EHMT2: variants seen among roughly 807,000 people sequenced by gnomAD.
EHMT2 encodes euchromatic histone lysine methyltransferase 2.
In EHMT2, 59 loss-of-function variants were observed where a neutral mutation model predicts 143.3. That is an observed-to-expected ratio of 0.41 (90% CI 0.33 to 0.51). The LOEUF is 0.51. Among genes scored for constraint, EHMT2 ranks in the 20% least tolerant of loss-of-function variants. EHMT2 has a pLI of 0.18. For missense variants in EHMT2, 1,174 were observed against 1,645.9 expected (o/e 0.71, Z 4.96); for synonymous variants, 604 against 651.5 (o/e 0.93, Z 1.11).
At chr6:31,894,308 C>T (rs909003743) in intron 4 of EHMT2, among the ~76,000 whole-genome samples, 8 of 152,210 alleles carry the variant, frequency 5.3e-5, no homozygotes, top group African/African-American at 1.7e-4. Context: ...CCACCATGCC[C>T]GGCTAATTTT....
At chr6:31,893,359 T>C in intron 4 of EHMT2, 1 of 449,522 alleles carries the variant, frequency 2.2e-6, no homozygotes, top group Non-Finnish European at 4.5e-6. Context: ...CTCATTCTGT[T>C]ACCCAGGATG....
At chr6:31,897,577 G>T in intron 1 of EHMT2, 59 bp downstream of exon 1, 1 of 1,115,824 alleles carries the variant, frequency 9.0e-7, no homozygotes, top group Non-Finnish European at 1.1e-6. Flanking sequence ...GCACGGGCGC[G>T]CGCTTCCCCC....
chr6:31,894,897 C>T (rs569077386), intron 4 of EHMT2, among the ~76,000 whole-genome samples: 20 of 152,138 alleles, frequency 1.3e-4, no homozygotes, highest in Non-Finnish European at 2.4e-4. Flanking sequence ...AAGTGATTGC[C>T]GGCCTTGGCC....
intron 4 of EHMT2, 105 bp downstream of exon 4, chr6:31,896,158 C>G (rs1208449917): frequency 6.7e-7 from 1 of 1,483,272 alleles, no homozygotes; most frequent in Non-Finnish European, 9.1e-7. Context: ...CAGCCCCTTG[C>G]TTAAATATGT....
chr6:31,882,875 C>G lies in EHMT2; in HGVS notation c.3110+19G>C. The G allele has an allele frequency of 6.2e-7, 1 of 1,612,160 alleles. No individual in the cohort carries two copies. Among genetic ancestry groups the G allele is most frequent in the Non-Finnish European group, 8.5e-7 (1 of 1,179,262 alleles). ...AAGGGTGAGGTGGGGAGAGGGTGGG[C>G]TGTGGAGCAGGGCCTCACTTGATGC... On this transcript the variant is annotated intron_variant, in intron 24 of 27. Coordinates refer to ENST00000375537, the Ensembl canonical transcript of EHMT2.
Position 31,889,321 on chromosome 6 carries a change from T to C in EHMT2, c.1021A>G (p.Lys341Glu), listed in dbSNP as rs768882848. Residue 341 changes from lysine (K) to glutamate (E), a missense_variant, in exon 9 of 28, where the codon AAG (lysine) becomes GAG (glutamate). Lys to Glu is a moderately conservative substitution (Grantham distance 56). Around this residue, in one of 6 missense-constraint regions of EHMT2, gnomAD observed 608 missense variants for 903.7 expected, o/e 0.67. Transcript: ENST00000375537. This position sits in a 1 kb window ranked among gnomAD's most constrained non-coding sequence, Gnocchi z 5.1. ...TCTTTTCGCCATTTCTTCTTGGCCT[T>C]GCGCCGGCCACTGGAACCACTCTGG... 7.4e-6 allele frequency: 12 copies of C among 1,612,184 alleles called. No individual in the cohort carries two copies. Among genetic ancestry groups the C allele is most frequent in the Middle Eastern group, 1.6e-4 (1 of 6,062 alleles).
rs538780821 is a variant in EHMT2 at position 31,893,231 on chromosome 6, C to T, written c.583-321G>A. The T allele has an allele frequency of 4.3e-4, 215 of 505,342 alleles. No individual in the cohort carries two copies. The East Asian group carries it at 7.3e-3, about 17-fold the overall frequency. 31.3% of individuals were successfully genotyped at this position (505,342 alleles called of 1,614,324 possible). Reference sequence around the variant, plus strand: ...AGGACTGTTTACAACAGCTGAGGTGCGGAAGCAACTCAAGTGCCACTGACA... The same window carrying T: ...AGGACTGTTTACAACAGCTGAGGTGTGGAAGCAACTCAAGTGCCACTGACA... On this transcript the variant is annotated intron_variant, in intron 4 of 27. Transcript: ENST00000375537.
At chr6:31,882,600 G>A in intron 25 of EHMT2, 99 bp downstream of exon 25, 8 of 1,179,488 alleles carry the variant, frequency 6.8e-6, no homozygotes, top group Non-Finnish European at 9.9e-6. Context: ...ATGGAGACAT[G>A]TGACTCATCA....
At chr6:31,882,134 A>T (rs1764186273) in intron 25 of EHMT2, among the ~76,000 whole-genome samples, 1 of 151,626 alleles carries the variant, frequency 6.6e-6, no homozygotes, top group Non-Finnish European at 1.5e-5. Flanking sequence ...AAAAAAAAAA[A>T]AGAGCCAAAG....
At position 31,884,259 on chromosome 6, in the gene EHMT2, C is replaced by A; in HGVS notation, c.2771+133G>T. On this transcript the variant is annotated intron_variant, in intron 21 of 27. Coordinates refer to ENST00000375537, the Ensembl canonical transcript of EHMT2. This position sits in a 1 kb window ranked among gnomAD's most constrained non-coding sequence, Gnocchi z 7.3. ...TCTGGCAACCCTAGTGGGGAGGGGG[C>A]CTGTGGGTGGTTCTGGGGATTCAGT... is the stretch of plus-strand genomic sequence containing the variant. 2 of 1,061,612 alleles carry A rather than the reference C, an allele frequency of 1.9e-6. No individual in the cohort carries two copies. The highest frequency in any genetic ancestry group is 2.7e-6 in the Non-Finnish European group (2 of 751,706). The allele number at this position is 1,061,612 out of a possible 1,614,324, so 65.8% of individuals were successfully genotyped here. A position where few individuals can be genotyped will look rare whatever the true frequency, so the allele number is the denominator to read the frequency against.
At position 31,881,149 on chromosome 6, in the gene EHMT2, C is replaced by T; in HGVS notation, c.3198-57G>A. ...GAGTGTGGGCTATTAGGAGGTGGCT[C>T]CAGGCCCCATCTCTCTTCACAAGCC... On this transcript the variant is annotated intron_variant, in intron 25 of 27. Coordinates refer to ENST00000375537, the Ensembl canonical transcript of EHMT2. This position sits in a 1 kb window ranked among gnomAD's most constrained non-coding sequence, Gnocchi z 4.8. 6.9e-7 allele frequency: 1 copy of T among 1,456,870 alleles called. No homozygotes were observed. The highest frequency in any genetic ancestry group is 9.6e-7 in the Non-Finnish European group (1 of 1,039,490). 90.2% of individuals were successfully genotyped at this position (1,456,870 alleles called of 1,614,324 possible).
intron 25 of EHMT2, among the ~76,000 whole-genome samples, chr6:31,882,252 G>A (rs1195894291): frequency 6.6e-6 from 1 of 152,126 alleles, no homozygotes; most frequent in Non-Finnish European, 1.5e-5. Flanking sequence ...CCCCTGAGGA[G>A]GTGGACAGAT....
At position 31,889,758 on chromosome 6, in the gene EHMT2, G is replaced by C. The variant is rs1307106144; in HGVS notation, c.865-156C>G. On this transcript the variant is annotated intron_variant, in intron 7 of 27. Transcript: ENST00000375537. This position sits in a 1 kb window ranked among gnomAD's most constrained non-coding sequence, Gnocchi z 5.1. ...GAGGAGACAAAGGGCCACATAAAGA[G>C]AGGGTGCATGGAATATTACACAGCA... is the stretch of plus-strand genomic sequence containing the variant. 6.6e-6 allele frequency among the ~76,000 whole-genome samples: 1 copy of C among 152,190 alleles called. No individual in the cohort carries two copies. Among genetic ancestry groups the C allele is most frequent in the African/African-American group, 2.4e-5 (1 of 41,438 alleles).
rs775350481 is a variant in EHMT2 at position 31,884,588 on chromosome 6, G to A, written c.2604-29C>T. On this transcript the variant is annotated intron_variant, in intron 20 of 27. Coordinates refer to ENST00000375537, the Ensembl canonical transcript of EHMT2. The surrounding 1 kb of genome is among the most constrained non-coding windows in gnomAD (Gnocchi z 7.3). ...AAGAGGGGACAGGATGCCCAATGCA[G>A]GGTCTGAGGCTGCAAGAAGTGGGGG... 1 of 1,611,304 alleles carries A rather than the reference G, an allele frequency of 6.2e-7. No individual in the cohort carries two copies. Among genetic ancestry groups the A allele is most frequent in the East Asian group, 2.2e-5 (1 of 44,834 alleles).
exon 3 of EHMT2, chr6:31,896,784 G>A: frequency 6.2e-7 from 1 of 1,613,072 alleles, no homozygotes; most frequent in South Asian, 1.1e-5. Context: ...CCTTGGGCAG[G>A]GTTTCTTCAC....
rs773524150 is a variant in EHMT2, at chr6:31,888,924, G to A, written c.1216+45C>T. On this transcript the variant is annotated intron_variant, in intron 10 of 27. Coordinates refer to ENST00000375537, the Ensembl canonical transcript of EHMT2. This position sits in a 1 kb window ranked among gnomAD's most constrained non-coding sequence, Gnocchi z 7.4. ...CCTCCTTCCCTTTCCCTCCTGCCCT[G>A]AGGTCGCCCCCTAGTGGCTCCCTGT... 1.9e-6 allele frequency: 3 copies of A among 1,549,118 alleles called. No individual in the cohort carries two copies. Among genetic ancestry groups the A allele is most frequent in the Non-Finnish European group, 2.6e-6 (3 of 1,140,320 alleles).
At position 31,883,741 on chromosome 6, in the gene EHMT2, G is replaced by A; in HGVS notation, c.2916+65C>T. 3 of 1,581,364 alleles carry A rather than the reference G, an allele frequency of 1.9e-6. No individual in the cohort carries two copies. Among genetic ancestry groups the A allele is most frequent in the African/African-American group, 1.3e-5 (1 of 74,134 alleles). On this transcript the variant is annotated intron_variant, in intron 22 of 27. Transcript: ENST00000375537. The surrounding 1 kb of genome is among the most constrained non-coding windows in gnomAD (Gnocchi z 5.6). The stretch of plus-strand genomic sequence containing the variant: ...GGCCAGGTGCCTTTGCTGGTTTGAA[G>A]CTTGTCCAACTGTACTTGGCAGCTC...
exon 15 of EHMT2, chr6:31,887,612 T>C (rs751476524): frequency 6.2e-7 from 1 of 1,613,076 alleles, no homozygotes; most frequent in Non-Finnish European, 8.5e-7. Flanking sequence ...CTCGCCCTGC[T>C]TCACGGACAG....
chr6:31,882,783 A>T (rs2151595383), exon 25 of EHMT2: 1 of 1,612,236 alleles, frequency 6.2e-7, no homozygotes, highest in Non-Finnish European at 8.5e-7. Flanking sequence ...CTGTAGCCGC[A>T]CCCTGGGGGT....
Sources: gnomAD v4.1 joint callset for allele counts (sites outside exome capture counted in the v4.1 genomes callset) on GRCh38, gnomAD v4.1.1 for gene constraint, gnomAD v4.1.1 regional missense constraint, Gnocchi (gnomAD v3.1) non-coding constraint, MANE v1.5 for transcripts, NCBI Gene and HGNC (gene_info 2026-07-23, HGNC 2026-07-21) for gene names.